The following CHRM3 variants were observed in gnomAD, a reference collection of about 807,000 sequenced individuals.
CHRM3 encodes the protein muscarinic acetylcholine receptor M3.
A neutral mutation model predicts 41.8 loss-of-function variants in CHRM3; 11 were observed. The ratio of observed to expected loss-of-function variants is 0.26; its 90% confidence interval spans 0.17 to 0.44. CHRM3 has a LOEUF of 0.44. Among genes scored for constraint, CHRM3 ranks in the 20% least tolerant of loss-of-function variants. CHRM3 has a pLI of 1.00. For missense variants in CHRM3, 571 were observed against 745.4 expected (o/e 0.77, Z 2.72); for synonymous variants, 297 against 301.4 (o/e 0.99, Z 0.15).
chr1:239,802,263 TAAC>T (rs1670281960), intron 5 of CHRM3, among the ~76,000 whole-genome samples: 1 of 152,182 alleles, frequency 6.6e-6, no homozygotes, highest in Admixed American at 6.5e-5. Flanking sequence ...TTCAAGCTAA[TAAC>T]AAACAATTAA....
At chr1:239,611,634 T>A (rs1221565090) in intron 3 of CHRM3, among the ~76,000 whole-genome samples, 3 of 152,186 alleles carry the variant, frequency 2.0e-5, no homozygotes, top group Non-Finnish European at 1.5e-5. Context: ...TTGGCCAGGA[T>A]GGTCTTGATC....
At chr1:239,459,553 A>G (rs2147870091) in intron 1 of CHRM3, among the ~76,000 whole-genome samples, 1 of 152,344 alleles carries the variant, frequency 6.6e-6, no homozygotes, top group East Asian at 1.9e-4. Context: ...AGTGAGTTCC[A>G]CTGAATGCTA....
intron 1 of CHRM3, among the ~76,000 whole-genome samples, chr1:239,479,250 A>G (rs1321819901): frequency 6.6e-6 from 1 of 151,814 alleles, no homozygotes; most frequent in Non-Finnish European, 1.5e-5. Context: ...AGAGACAGCA[A>G]TCTACAGATC....
chr1:239,889,723 G>T (rs139123285), intron 6 of CHRM3, among the ~76,000 whole-genome samples: 2 of 152,284 alleles, frequency 1.3e-5, no homozygotes, highest in Non-Finnish European at 2.9e-5. Flanking sequence ...CCACACCTGG[G>T]CTGGGATGGG....
At chr1:239,751,940 G>T (rs1023026012) in intron 5 of CHRM3, among the ~76,000 whole-genome samples, 35 of 152,172 alleles carry the variant, frequency 2.3e-4, no homozygotes, top group African/African-American at 8.4e-4. Flanking sequence ...CTGCTGAAGA[G>T]CTCATCAGGA....
At chr1:239,881,077 A>C (rs1677550937) in intron 6 of CHRM3, among the ~76,000 whole-genome samples, 1 of 151,876 alleles carries the variant, frequency 6.6e-6, no homozygotes, top group African/African-American at 2.4e-5. Flanking sequence ...AGGTCAGGAG[A>C]TCGAGACCAT....
intron 6 of CHRM3, among the ~76,000 whole-genome samples, chr1:239,900,026 A>G (rs1679393351): frequency 6.6e-6 from 1 of 152,180 alleles, no homozygotes; most frequent in African/African-American, 2.4e-5. Flanking sequence ...CTCTGTTCCC[A>G]CCACCTGTTT....
At chr1:239,393,430 G>T (rs1659216722) in intron 1 of CHRM3, among the ~76,000 whole-genome samples, 1 of 152,134 alleles carries the variant, frequency 6.6e-6, no homozygotes, top group African/African-American at 2.4e-5. Context: ...TAGACGTGAT[G>T]ATCCTCCTGC....
chr1:239,717,999 A>G (rs559504073), intron 5 of CHRM3, among the ~76,000 whole-genome samples: 1 of 152,224 alleles, frequency 6.6e-6, no homozygotes, highest in African/African-American at 2.4e-5. Context: ...AGTAAATGGT[A>G]TAGGTGTAAG....
intron 5 of CHRM3, among the ~76,000 whole-genome samples, chr1:239,718,038 G>T (rs1662565555): frequency 6.6e-6 from 1 of 151,918 alleles, no homozygotes; most frequent in Admixed American, 6.6e-5. Flanking sequence ...ATATTATTTT[G>T]CCAGAATCCT....
At chr1:239,573,126 C>T (rs1382852635) in intron 3 of CHRM3, among the ~76,000 whole-genome samples, 1 of 152,182 alleles carries the variant, frequency 6.6e-6, no homozygotes, top group Non-Finnish European at 1.5e-5. Context: ...CTTCCCATCG[C>T]CACGAGGCTG....
chr1:239,906,617 C>T (rs1679984422), intron 6 of CHRM3, among the ~76,000 whole-genome samples: 2 of 152,154 alleles, frequency 1.3e-5, no homozygotes, highest in Admixed American at 1.3e-4. Context: ...TGTGAAAGCA[C>T]TAGTTGCAGT....
intron 6 of CHRM3, among the ~76,000 whole-genome samples, chr1:239,866,087 G>T (rs1317322049): frequency 6.6e-6 from 1 of 152,108 alleles, no homozygotes; most frequent in African/African-American, 2.4e-5. Flanking sequence ...TGATTAAAAA[G>T]CTTGCCCAGG....
rs545048053 is a variant in CHRM3, at chr1:239,510,517, G to C, written c.-422+17710G>C. ...GCATCATTGGATTGGAATGTACCTGGAGCAGATACTAACCCCTCAGATTTT... is the reference window on the plus strand; with the variant it reads ...GCATCATTGGATTGGAATGTACCTGCAGCAGATACTAACCCCTCAGATTTT... On this transcript the variant is annotated intron_variant, in intron 2 of 6. Coordinates refer to ENST00000676153, the MANE Select transcript of CHRM3 (RefSeq NM_001375978.1). Among the ~76,000 whole-genome samples, 6 of 152,104 alleles carry C rather than the reference G, an allele frequency of 3.9e-5. No individual in the cohort carries two copies. The East Asian group carries it at 1.2e-3, about 29-fold the overall frequency.
chr1:239,469,189 A>T (rs1458837405), intron 1 of CHRM3, among the ~76,000 whole-genome samples: 2 of 152,204 alleles, frequency 1.3e-5, no homozygotes, highest in African/African-American at 4.8e-5. Flanking sequence ...TTATAGGGTT[A>T]TTGTAGAGGG....
intron 4 of CHRM3, among the ~76,000 whole-genome samples, chr1:239,651,431 C>T (rs1211902083): frequency 2.6e-5 from 4 of 152,170 alleles, no homozygotes; most frequent in Non-Finnish European, 5.9e-5. Flanking sequence ...TGTTAGAGAA[C>T]AAGGAAGGCA....
At chr1:239,798,989 C>A (rs1038373667) in intron 5 of CHRM3, among the ~76,000 whole-genome samples, 5 of 152,114 alleles carry the variant, frequency 3.3e-5, no homozygotes, top group South Asian at 4.1e-4. Flanking sequence ...GAAAGTGTAG[C>A]TAGCAGGAGG....
chr1:239,457,431 A>G (rs1416364059), intron 1 of CHRM3, among the ~76,000 whole-genome samples: 1 of 152,106 alleles, frequency 6.6e-6, no homozygotes, highest in African/African-American at 2.4e-5. Context: ...CGTGTCTTCT[A>G]TTTGTGTTGG....
intron 3 of CHRM3, among the ~76,000 whole-genome samples, chr1:239,588,869 G>A (rs1042994444): frequency 6.6e-6 from 1 of 151,890 alleles, no homozygotes; most frequent in Non-Finnish European, 1.5e-5. Flanking sequence ...AAAATCACTT[G>A]TTAAATTTAC....
Sources: allele counts gnomAD v4.1 joint callset (sites outside exome capture counted in the v4.1 genomes callset), GRCh38; gene constraint gnomAD v4.1.1; transcripts MANE v1.5; gene names NCBI Gene and HGNC (gene_info 2026-07-23, HGNC 2026-07-21).